The following SLC4A4 variants were observed in gnomAD, a reference collection of about 807,000 sequenced individuals.
The protein encoded by SLC4A4 is solute carrier family 4 member 4, also known as electrogenic sodium bicarbonate cotransporter 1.
A neutral mutation model predicts 111.5 loss-of-function variants in SLC4A4; 27 were observed. That is an observed-to-expected ratio of 0.24 (90% confidence interval 0.18 to 0.33). SLC4A4 has a LOEUF of 0.33. Among genes scored for constraint, SLC4A4 ranks in the 10% least tolerant of loss-of-function variants. SLC4A4 has a pLI of 1.00. For missense variants in SLC4A4, 909 were observed against 1,315.5 expected (o/e 0.69, Z 4.78); for synonymous variants, 443 against 463.4 (o/e 0.96, Z 0.57).
chr4:71,098,525 A>T (rs1287961224), intron 2 of SLC4A4, among the ~76,000 whole-genome samples: 1 of 152,172 alleles, frequency 6.6e-6, no homozygotes, highest in East Asian at 1.9e-4. Flanking sequence ...TTTTGGTTTC[A>T]TGTGAATTTT....
At chr4:71,194,943 A>G (rs1745919244) in intron 1 of SLC4A4, among the ~76,000 whole-genome samples, 1 of 152,208 alleles carries the variant, frequency 6.6e-6, no homozygotes, top group Non-Finnish European at 1.5e-5. Context: ...ATTTGTGTAA[A>G]GCAACAATTC....
chr4:71,373,192 C>A (rs1398065922), intron 6 of SLC4A4, among the ~76,000 whole-genome samples: 2 of 152,102 alleles, frequency 1.3e-5, no homozygotes, highest in African/African-American at 4.8e-5. Flanking sequence ...GTTATATGGT[C>A]CAATCAGAGG....
chr4:71,408,031 T>C (rs1721030097), intron 7 of SLC4A4, among the ~76,000 whole-genome samples: 1 of 152,180 alleles, frequency 6.6e-6, no homozygotes, highest in African/African-American at 2.4e-5. Context: ...AATTTTGTTC[T>C]GGTAAGAGGA....
At chr4:71,091,558 A>G (rs1402046298) in intron 1 of SLC4A4, among the ~76,000 whole-genome samples, 1 of 152,052 alleles carries the variant, frequency 6.6e-6, no homozygotes, top group Non-Finnish European at 1.5e-5. Context: ...CGGCCTGGCC[A>G]GGAAATATTT....
chr4:71,224,506 T>C (rs1718937221), intron 1 of SLC4A4, among the ~76,000 whole-genome samples: 1 of 152,210 alleles, frequency 6.6e-6, no homozygotes, highest in South Asian at 2.1e-4. Context: ...TTTCTCTGTA[T>C]TTCAGATATG....
chr4:71,473,324 C>T (rs985762051), intron 14 of SLC4A4: 4 of 549,770 alleles, frequency 7.3e-6, no homozygotes, highest in Non-Finnish European at 1.3e-5. Flanking sequence ...CAAACCTATC[C>T]TTTGCTGCTT....
chr4:71,361,462 CAT>C (rs146638366), intron 6 of SLC4A4, among the ~76,000 whole-genome samples: 6,344 of 152,282 alleles, frequency 0.042, 174 homozygotes, highest in Middle Eastern at 0.078. Flanking sequence ...TTGTTTGAGA[CAT>C]GTGTAAATTC....
chr4:71,283,370 A>T (rs191215188), intron 3 of SLC4A4, among the ~76,000 whole-genome samples: 20 of 152,274 alleles, frequency 1.3e-4, no homozygotes, highest in Non-Finnish European at 2.6e-4. Flanking sequence ...GGCATTCCTG[A>T]CATTTGACCC....
chr4:71,566,828 G>A (rs1450199769), intron 24 of SLC4A4, among the ~76,000 whole-genome samples, 176 bp from the exon 25 acceptor site: 1 of 151,610 alleles, frequency 6.6e-6, no homozygotes, highest in Non-Finnish European at 1.5e-5. Context: ...AAGAGATGAA[G>A]TGATTTTGTC....
At chr4:71,216,370 A>G (rs1718432250) in intron 1 of SLC4A4, among the ~76,000 whole-genome samples, 1 of 152,116 alleles carries the variant, frequency 6.6e-6, no homozygotes, top group South Asian at 2.1e-4. Context: ...GGTCATTTTT[A>G]AGTTTTATTC....
At chr4:71,567,296 A>G (rs923888126) in intron 25 of SLC4A4, among the ~76,000 whole-genome samples, 1 of 151,810 alleles carries the variant, frequency 6.6e-6, no homozygotes, top group Non-Finnish European at 1.5e-5. Flanking sequence ...GGAATCTTTC[A>G]GTATCATTAA....
intron 2 of SLC4A4, among the ~76,000 whole-genome samples, chr4:71,094,050 G>C (rs762466673): frequency 1.2e-4 from 19 of 152,104 alleles, no homozygotes; most frequent in Admixed American, 8.5e-4. Context: ...TGGTAACCCT[G>C]TCCTCTGTGG....
chr4:71,488,159 A>C (rs1263344398), intron 15 of SLC4A4, among the ~76,000 whole-genome samples: 1 of 149,264 alleles, frequency 6.7e-6, no homozygotes, highest in Non-Finnish European at 1.5e-5. Context: ...ATATATTTTA[A>C]TTAAAATATA....
intron 7 of SLC4A4, among the ~76,000 whole-genome samples, chr4:71,424,983 A>T (rs13146681): frequency 0.15 from 23,046 of 151,684 alleles, 2,072 homozygotes; most frequent in South Asian, 0.29. Flanking sequence ...TAAAACTTAA[A>T]GTATAATAAT....
intron 2 of SLC4A4, among the ~76,000 whole-genome samples, chr4:71,159,842 A>C (rs1744572913): frequency 6.6e-6 from 1 of 152,184 alleles, no homozygotes; most frequent in Non-Finnish European, 1.5e-5. Flanking sequence ...TTTCCAATGC[A>C]TTTGGTTTGA....
chr4:71,197,423 CTG>C (rs978945551), intron 1 of SLC4A4, among the ~76,000 whole-genome samples: 3 of 152,102 alleles, frequency 2.0e-5, no homozygotes, highest in East Asian at 1.9e-4. Context: ...TTTGATATGA[CTG>C]TATTTGATCT....
chr4:71,427,728 T>C (rs34757922), intron 7 of SLC4A4, among the ~76,000 whole-genome samples: 22,961 of 152,126 alleles, frequency 0.15, 1,973 homozygotes, highest in South Asian at 0.29. Context: ...TAGGGGCAGG[T>C]CACCTTAATA....
At chr4:71,076,532 T>A (rs970054066) in intron 1 of SLC4A4, among the ~76,000 whole-genome samples, 8 of 144,938 alleles carry the variant, frequency 5.5e-5, no homozygotes, top group Admixed American at 1.4e-4. Context: ...ACTCTGTCTT[T>A]AAAAAAAAAA....
chr4:71,066,108 C>T (rs531868248), intron 1 of SLC4A4, among the ~76,000 whole-genome samples: 1 of 152,218 alleles, frequency 6.6e-6, no homozygotes, highest in South Asian at 2.1e-4. Context: ...TACTGGATGT[C>T]TTGTTAAATG....
Sources: allele counts gnomAD v4.1 joint callset (sites outside exome capture counted in the v4.1 genomes callset), GRCh38; gene constraint gnomAD v4.1.1; transcripts MANE v1.5; gene names NCBI Gene and HGNC (gene_info 2026-07-23, HGNC 2026-07-21).